Variants in ASIC2 observed in about 807,000 individuals in gnomAD.
ASIC2 encodes the protein acid sensing ion channel subunit 2.
In ASIC2, 25 loss-of-function variants were observed where a neutral mutation model predicts 57.3. The ratio of observed to expected loss-of-function variants is 0.44; its 90% confidence interval spans 0.32 to 0.61. The LOEUF is 0.61. ASIC2 is among the 20% of genes least tolerant of loss of function. The pLI is 0.06. For missense variants in ASIC2, 641 were observed against 738.1 expected, an observed-to-expected ratio of 0.87 and a Z score of 1.52; for synonymous variants, 319 against 307.5, an observed-to-expected ratio of 1.04 and a Z score of -0.39.
chr17:33,429,564 G>T (rs1425293707), intron 1 of ASIC2, among the ~76,000 whole-genome samples: 2 of 151,998 alleles, frequency 1.3e-5, no homozygotes, highest in Non-Finnish European at 2.9e-5. Context: ...CTAATTGTTT[G>T]TATTTTTAGT....
chr17:33,934,912 A>G (rs1396723153), intron 1 of ASIC2, among the ~76,000 whole-genome samples: 2 of 152,062 alleles, frequency 1.3e-5, no homozygotes, highest in Non-Finnish European at 1.5e-5. Context: ...CCACTGCTCC[A>G]TCCCTCTGCC....
chr17:33,949,567 C>G (rs1279608635), intron 1 of ASIC2, among the ~76,000 whole-genome samples: 1 of 152,142 alleles, frequency 6.6e-6, no homozygotes, highest in Non-Finnish European at 1.5e-5. Context: ...TCCAAGGAAT[C>G]AAAAGAATTG....
Position 33,409,715 on chromosome 17 carries a change from A to C in ASIC2, c.556-297648T>G, listed in dbSNP as rs147055203. On this transcript the variant is annotated intron_variant, in intron 1 of 9. Transcript: ENST00000359872. ...CGGAGGAGGAGGCCGAGGGAGCTGG[A>C]CCATTTGTCTTATGTGTGGGGGAGG... Among the ~76,000 whole-genome samples, 5 of 152,272 alleles carry C rather than the reference A, an allele frequency of 3.3e-5. No individual in the cohort carries two copies. The East Asian group carries it at 7.7e-4, about 24-fold the overall frequency.
intron 1 of ASIC2, among the ~76,000 whole-genome samples, chr17:33,489,380 C>T (rs145146484): frequency 2.6e-5 from 4 of 152,250 alleles, no homozygotes; most frequent in East Asian, 1.9e-4. Context: ...CCATAGATGC[C>T]GAGGAGCTGA....
intron 1 of ASIC2, among the ~76,000 whole-genome samples, chr17:33,688,295 T>A (rs1217402309): frequency 2.6e-5 from 4 of 152,236 alleles, no homozygotes; most frequent in Admixed American, 6.5e-5. Context: ...TGTTCTTTAC[T>A]GCCCTGTTGC....
intron 1 of ASIC2, among the ~76,000 whole-genome samples, chr17:33,677,206 G>T (rs1185277699): frequency 6.6e-6 from 1 of 152,154 alleles, no homozygotes; most frequent in Non-Finnish European, 1.5e-5. Context: ...GCCTTATATT[G>T]GAAGAAGATG....
At chr17:33,106,514 C>T (rs533714717) in intron 2 of ASIC2, among the ~76,000 whole-genome samples, 4 of 152,294 alleles carry the variant, frequency 2.6e-5, no homozygotes, top group South Asian at 2.1e-4. Context: ...ACACGGATTC[C>T]GGTTTCCTCA....
intron 1 of ASIC2, among the ~76,000 whole-genome samples, chr17:33,817,611 T>C (rs1953903680): frequency 6.6e-6 from 1 of 152,242 alleles, no homozygotes; most frequent in Admixed American, 6.5e-5. Context: ...ATAACCTCCC[T>C]GAGAGCAGTT....
chr17:33,553,779 C>T (rs1029699504), intron 1 of ASIC2, among the ~76,000 whole-genome samples: 2 of 152,066 alleles, frequency 1.3e-5, no homozygotes, highest in African/African-American at 4.8e-5. Context: ...TATTATTATA[C>T]CTATTTTGGT....
At chr17:34,096,143 G>A (rs1470206565) in intron 1 of ASIC2, among the ~76,000 whole-genome samples, 2 of 152,132 alleles carry the variant, frequency 1.3e-5, no homozygotes, top group Non-Finnish European at 2.9e-5. Flanking sequence ...ACCAGGCACT[G>A]TACACCCTCC....
chr17:33,032,830 A>T (rs1381658086), intron 3 of ASIC2, among the ~76,000 whole-genome samples: 1 of 152,148 alleles, frequency 6.6e-6, no homozygotes, highest in African/African-American at 2.4e-5. Flanking sequence ...TTATCCACAT[A>T]TATACCATTT....
intron 1 of ASIC2, among the ~76,000 whole-genome samples, chr17:33,846,517 C>G (rs183322533): frequency 6.6e-6 from 1 of 152,258 alleles, no homozygotes; most frequent in Middle Eastern, 3.4e-3. Context: ...TGAGCTAGCT[C>G]TAAATTAAGC....
chr17:33,039,663 C>T (rs1470592531), intron 3 of ASIC2, among the ~76,000 whole-genome samples: 1 of 152,200 alleles, frequency 6.6e-6, no homozygotes, highest in African/African-American at 2.4e-5. Flanking sequence ...ACATAAAATG[C>T]AGCCCCTTGT....
At chr17:33,992,636 T>C (rs1020655183) in intron 1 of ASIC2, among the ~76,000 whole-genome samples, 13 of 152,150 alleles carry the variant, frequency 8.5e-5, no homozygotes, top group Admixed American at 3.3e-4. Context: ...AAACCCTGAG[T>C]TCAGTGGACT....
At chr17:33,304,844 T>C (rs1284607513) in intron 1 of ASIC2, among the ~76,000 whole-genome samples, 1 of 150,358 alleles carries the variant, frequency 6.7e-6, no homozygotes, top group African/African-American at 2.4e-5. Context: ...CTGTTCTTAG[T>C]CTCCGCCTGG....
At chr17:33,154,763 C>T (rs1033194706) in intron 1 of ASIC2, among the ~76,000 whole-genome samples, 7 of 152,186 alleles carry the variant, frequency 4.6e-5, no homozygotes, top group Non-Finnish European at 8.8e-5. Flanking sequence ...AAAATAAAAT[C>T]GCACTTTTTA....
intron 1 of ASIC2, among the ~76,000 whole-genome samples, chr17:33,707,571 A>G (rs913594371): frequency 5.3e-5 from 8 of 152,212 alleles, no homozygotes; most frequent in Non-Finnish European, 1.2e-4. Context: ...TTTAAAAATC[A>G]TGTAATTCTT....
intron 1 of ASIC2, among the ~76,000 whole-genome samples, chr17:33,700,235 A>C (rs1908654889): frequency 6.6e-6 from 1 of 152,188 alleles, no homozygotes; most frequent in Non-Finnish European, 1.5e-5. Context: ...GACTCAGGGA[A>C]ATAGCAAGAA....
chr17:33,622,553 A>G lies in ASIC2; in HGVS notation c.556-510486T>C, dbSNP rs1052903502. Reference sequence around the variant, plus strand: ...AATAACTTGGGTTTTGCTGTCAGACAGTCTGGAGGCAAAATGGCAACTAAG... The same window carrying G: ...AATAACTTGGGTTTTGCTGTCAGACGGTCTGGAGGCAAAATGGCAACTAAG... On this transcript the variant is annotated intron_variant, in intron 1 of 9. Transcript: ENST00000359872. Among the ~76,000 whole-genome samples the G allele has an allele frequency of 3.3e-5, 5 of 152,208 alleles. No individual in the cohort carries two copies. In the East Asian group the frequency reaches 9.6e-4, roughly 29 times the overall value.
Sources: gnomAD v4.1 joint callset for allele counts (sites outside exome capture counted in the v4.1 genomes callset) on GRCh38, gnomAD v4.1.1 for gene constraint, MANE v1.5 for transcripts, NCBI Gene and HGNC (gene_info 2026-07-23, HGNC 2026-07-21) for gene names.